The following UBASH3B variants were observed in gnomAD, a reference collection of about 807,000 sequenced individuals.
UBASH3B encodes ubiquitin-associated and SH3 domain-containing protein B.
A neutral mutation model predicts 83.4 loss-of-function variants in UBASH3B; 37 were observed. The observed-to-expected ratio is 0.44, with a 90% CI of 0.34 to 0.58. UBASH3B has a LOEUF of 0.58. Ranked by LOEUF, UBASH3B falls within the 20% of genes least tolerant of loss-of-function variation. The pLI is 0.01. For missense variants in UBASH3B, 657 were observed against 827.2 expected (o/e 0.79, Z 2.52); for synonymous variants, 304 against 318.3 (o/e 0.96, Z 0.48).
intron 1 of UBASH3B, among the ~76,000 whole-genome samples, chr11:122,757,783 G>A (rs190137383): frequency 1.4e-5 from 2 of 144,790 alleles, no homozygotes; most frequent in African/African-American, 5.2e-5. Context: ...GTGCAATCTC[G>A]GCTCACTGCA....
chr11:122,712,294 G>A (rs1316168405), intron 1 of UBASH3B, among the ~76,000 whole-genome samples: 5 of 152,128 alleles, frequency 3.3e-5, no homozygotes, highest in African/African-American at 1.2e-4. Flanking sequence ...TGGCCATATT[G>A]TCCTCAAAGT....
intron 6 of UBASH3B, among the ~76,000 whole-genome samples, chr11:122,789,973 C>T (rs1174112341): frequency 6.6e-6 from 1 of 152,192 alleles, no homozygotes; most frequent in Non-Finnish European, 1.5e-5. Flanking sequence ...CCAACTTTGT[C>T]CCAATAGATA....
chr11:122,708,341 G>C (rs1323476429), intron 1 of UBASH3B, among the ~76,000 whole-genome samples: 3 of 148,984 alleles, frequency 2.0e-5, no homozygotes, highest in Non-Finnish European at 4.4e-5. Flanking sequence ...ACCCAGGCTG[G>C]AGTGCAGTGG....
At chr11:122,699,566 T>TTTCTTTCTTTCTTTCTTTCTTTCC (rs1555137188) in intron 1 of UBASH3B, among the ~76,000 whole-genome samples, 44 of 135,752 alleles carry the variant, frequency 3.2e-4, no homozygotes, top group Admixed American at 1.1e-3. Context: ...TCTTTCTTTC[T>TTTCTTTCTTTCTTTCTTTCTTTCC]TTCTTTCTTT....
chr11:122,696,041 C>A (rs1863961181), intron 1 of UBASH3B, among the ~76,000 whole-genome samples: 1 of 152,036 alleles, frequency 6.6e-6, no homozygotes, highest in Non-Finnish European at 1.5e-5. Flanking sequence ...CTTCCGTCTC[C>A]CAGGTTTAAG....
rs1270107488 is a variant in UBASH3B, at chr11:122,813,819, A to G, written c.*3933A>G. The stretch of plus-strand genomic sequence containing the variant: ...ATTTGCTTCTCTTTAATACTTCAAC[A>G]TATTGAATTTCCCTAGGAAAGTGAC... On this transcript the variant is annotated 3_prime_UTR_variant, in exon 14 of 14. Transcript: ENST00000284273. 2.0e-5 allele frequency: 3 copies of G among 152,238 alleles called. No homozygotes were observed. Among genetic ancestry groups the G allele is most frequent in the African/African-American group, 7.2e-5 (3 of 41,470 alleles). 9.4% of individuals were successfully genotyped at this position (152,238 alleles called of 1,614,324 possible).
intron 4 of UBASH3B, among the ~76,000 whole-genome samples, chr11:122,781,635 C>T (rs979151072): frequency 6.6e-6 from 1 of 152,246 alleles, no homozygotes; most frequent in East Asian, 1.9e-4. Context: ...CCCTGCGCAG[C>T]TTAGCTGGTC....
intron 1 of UBASH3B, among the ~76,000 whole-genome samples, chr11:122,735,840 C>T (rs922504366): frequency 6.6e-6 from 1 of 152,120 alleles, no homozygotes; most frequent in African/African-American, 2.4e-5. Context: ...AGCGAAGTGG[C>T]GGCTTGAGCC....
intron 5 of UBASH3B, among the ~76,000 whole-genome samples, chr11:122,788,853 T>C (rs547327743): frequency 6.6e-6 from 1 of 152,276 alleles, no homozygotes; most frequent in Non-Finnish European, 1.5e-5. Context: ...TGATGGGAAA[T>C]CTAGACATGC....
In UBASH3B at chr11:122,810,542, C is replaced by T. The variant is rs548135142; in HGVS notation, c.*656C>T. Reference sequence around the variant, plus strand: ...GGCCCTTCTTGCTACAGCCCTATCCCCCCTCCTTGCTTCTGTGAAATGGGG... The same window carrying T: ...GGCCCTTCTTGCTACAGCCCTATCCTCCCTCCTTGCTTCTGTGAAATGGGG... On this transcript the variant is annotated 3_prime_UTR_variant, in exon 14 of 14. Coordinates refer to ENST00000284273, the MANE Select transcript of UBASH3B (RefSeq NM_032873.5). The T allele has an allele frequency of 9.3e-5, 14 of 150,862 alleles. No individual in the cohort carries two copies. Among genetic ancestry groups the T allele is most frequent in the Non-Finnish European group, 1.6e-4 (11 of 68,018 alleles). The allele number at this position is 150,862 out of a possible 1,614,324, so 9.3% of individuals were successfully genotyped here.
chr11:122,690,305 C>CAT (rs35794002), intron 1 of UBASH3B, among the ~76,000 whole-genome samples: 341 of 129,084 alleles, frequency 2.6e-3, no homozygotes, highest in South Asian at 6.7e-3. Flanking sequence ...TCCAATTATA[C>CAT]ATATATATAT....
chr11:122,662,785 T>A (rs1176542591), intron 1 of UBASH3B, among the ~76,000 whole-genome samples: 5 of 152,100 alleles, frequency 3.3e-5, no homozygotes, highest in African/African-American at 1.2e-4. Flanking sequence ...TGCATGTAGG[T>A]CATACAGTGC....
At chr11:122,785,683 T>C (rs772890074) in intron 5 of UBASH3B, among the ~76,000 whole-genome samples, 8 of 152,242 alleles carry the variant, frequency 5.3e-5, no homozygotes, top group Non-Finnish European at 1.0e-4. Flanking sequence ...CTTCAAATCC[T>C]GGCTCCATCA....
intron 11 of UBASH3B, among the ~76,000 whole-genome samples, chr11:122,801,951 C>T (rs112268432): frequency 0.013 from 1,920 of 152,244 alleles, 55 homozygotes; most frequent in African/African-American, 0.043. Flanking sequence ...CCATTAGACC[C>T]GACTGTGCTG....
At chr11:122,677,545 A>G (rs904154366) in intron 1 of UBASH3B, among the ~76,000 whole-genome samples, 1 of 152,162 alleles carries the variant, frequency 6.6e-6, no homozygotes. Context: ...TCAGTTTCCC[A>G]GACTAGACTG....
intron 1 of UBASH3B, among the ~76,000 whole-genome samples, chr11:122,730,012 T>C (rs1039998106): frequency 8.7e-6 from 1 of 114,990 alleles, no homozygotes; most frequent in African/African-American, 3.4e-5. Context: ...AAAGGCCAGG[T>C]GCAGTGGCTC....
chr11:122,680,266 A>C (rs902158957), intron 1 of UBASH3B, among the ~76,000 whole-genome samples: 2 of 152,220 alleles, frequency 1.3e-5, no homozygotes, highest in Non-Finnish European at 2.9e-5. Context: ...TTCAGCTTCA[A>C]ATAAAACCTC....
chr11:122,712,223 T>C (rs1186646732), intron 1 of UBASH3B, among the ~76,000 whole-genome samples: 1 of 152,196 alleles, frequency 6.6e-6, no homozygotes, highest in Non-Finnish European at 1.5e-5. Context: ...GTGTACATTT[T>C]GAACGAGCTG....
rs200801128 is a variant in UBASH3B, at chr11:122,779,487, T to C, written c.403-10T>C. ...GTCTCTGAGTGAAGACTGCCTGTTT[T>C]CCCTGCCAGTGCGAGGACAGCAAGG... On this transcript the variant is annotated splice_polypyrimidine_tract_variant and intron_variant, in intron 3 of 13. Coordinates refer to ENST00000284273, the MANE Select transcript of UBASH3B (RefSeq NM_032873.5). 2,426 of 1,613,518 alleles carry C rather than the reference T, an allele frequency of 1.5e-3. 38 individuals are homozygous for C. In the African/African-American group the frequency reaches 0.029, roughly 19 times the overall value.
Sources: gnomAD v4.1 joint callset for allele counts (sites outside exome capture counted in the v4.1 genomes callset) on GRCh38, gnomAD v4.1.1 for gene constraint, MANE v1.5 for transcripts, NCBI Gene and HGNC (gene_info 2026-07-23, HGNC 2026-07-21) for gene names.